The following OTOP3 variants were observed in gnomAD, a reference collection of about 807,000 sequenced individuals.
The protein encoded by OTOP3 is otopetrin 3.
A neutral mutation model predicts 50.8 loss-of-function variants in OTOP3; 41 were observed. The ratio of observed to expected loss-of-function variants is 0.81; its 90% confidence interval spans 0.63 to 1.05. The LOEUF is 1.05. Among genes scored for constraint, OTOP3 ranks in the 50% least tolerant of loss-of-function variants. The pLI is 0.00. For synonymous variants in OTOP3, 320 were observed against 324.4 expected (o/e 0.99, Z 0.14); for missense variants, 788 against 760.8 (o/e 1.04, Z -0.42).
At chr17:74,936,961 C>CTTTTTTTTTTT (rs1191319023) in intron 1 of OTOP3, among the ~76,000 whole-genome samples, 2 of 101,308 alleles carry the variant, frequency 2.0e-5, no homozygotes, top group Admixed American at 1.2e-4. Flanking sequence ...CCCCCCCACC[C>CTTTTTTTTTTT]TTTTTTTTTT....
At position 74,949,727 on chromosome 17, in the gene OTOP3, T is replaced by C; in HGVS notation, c.*311T>C. 1 of 328,958 alleles carries C rather than the reference T, an allele frequency of 3.0e-6. No homozygotes were observed. The highest frequency in any genetic ancestry group is 5.6e-6 in the Non-Finnish European group (1 of 178,388). The allele number at this position is 328,958 out of a possible 1,614,324, so 20.4% of individuals were successfully genotyped here. On this transcript the variant is annotated 3_prime_UTR_variant, in exon 7 of 7. Transcript: ENST00000328801. ...CAGGGGCCCCCTCACGGCTACTCTGTGGGAGGGTCAGACCTACATGACCGA... is the reference window on the plus strand; with the variant it reads ...CAGGGGCCCCCTCACGGCTACTCTGCGGGAGGGTCAGACCTACATGACCGA...
Position 74,947,406 on chromosome 17 carries a change from C to A in OTOP3, c.1497C>A (p.Tyr499Ter), listed in dbSNP as rs1373729378. 1 of 1,612,766 alleles carries A rather than the reference C, an allele frequency of 6.2e-7. No homozygotes were observed. Among genetic ancestry groups the A allele is most frequent in the Admixed American group, 1.7e-5 (1 of 59,992 alleles). Reference sequence around the variant, plus strand: ...CCTCACTGGCCTACATCCACTCCTACAGCCACCTCAACTGGAAGCGGAGGG... The same window carrying A: ...CCTCACTGGCCTACATCCACTCCTAAAGCCACCTCAACTGGAAGCGGAGGG... ...QRASLAYIHS[Y>*]SHLNWKRRAL... is the part of the protein sequence containing the mutation. The change falls in exon 6 of 7, where the codon TAC (tyrosine) becomes TAA (stop). Residue 499 changes from tyrosine (Y) to a stop codon, truncating the protein, a stop_gained. Coordinates refer to ENST00000328801, the MANE Select transcript of OTOP3 (RefSeq NM_001272005.2). LOFTEE classifies it high-confidence loss of function.
At chr17:74,935,875 G>A, upstream of OTOP3, 1 of 1,547,722 alleles carries the variant, frequency 6.5e-7, no homozygotes, top group South Asian at 1.2e-5. Context: ...GTCTCACCTG[G>A]ACGGACGATC....
intron 5 of OTOP3, among the ~76,000 whole-genome samples, chr17:74,944,254 T>C (rs1312148951): frequency 1.3e-5 from 2 of 152,132 alleles, no homozygotes; most frequent in Admixed American, 6.5e-5. Context: ...GCCACACCTG[T>C]ATGTACATGC....
chr17:74,936,678 C>T (rs1253883215), intron 1 of OTOP3, among the ~76,000 whole-genome samples: 1 of 152,186 alleles, frequency 6.6e-6, no homozygotes, highest in Non-Finnish European at 1.5e-5. Flanking sequence ...GGGATACTGT[C>T]AGGGCAAAGA....
At chr17:74,938,988 C>T (rs918592290) in intron 1 of OTOP3, among the ~76,000 whole-genome samples, 22 of 150,858 alleles carry the variant, frequency 1.5e-4, no homozygotes, top group African/African-American at 4.7e-4. Flanking sequence ...GGCAACATAA[C>T]GTGACCCTGT....
At chr17:74,937,284 T>C (rs939722630) in intron 1 of OTOP3, among the ~76,000 whole-genome samples, 8 of 152,192 alleles carry the variant, frequency 5.3e-5, no homozygotes, top group South Asian at 4.1e-4. Flanking sequence ...AAGTCTTTAT[T>C]GAGCATCTAC....
intron 5 of OTOP3, among the ~76,000 whole-genome samples, chr17:74,945,537 G>A (rs965766099): frequency 4.6e-5 from 7 of 152,126 alleles, no homozygotes; most frequent in South Asian, 2.1e-4. Context: ...TCCTTGGAAC[G>A]GGAAGTATAG....
chr17:74,935,885 C>T, upstream of OTOP3: 1 of 1,547,434 alleles, frequency 6.5e-7, no homozygotes. Flanking sequence ...GACGGACGAT[C>T]CGCTCAGCGC....
intron 1 of OTOP3, 55 bp downstream of exon 1, chr17:74,935,995 A>T: frequency 6.5e-7 from 1 of 1,535,806 alleles, no homozygotes; most frequent in Non-Finnish European, 8.7e-7. Context: ...AGACACTGGC[A>T]CATACTACCC....
chr17:74,936,949 C>CA (rs2039122591), intron 1 of OTOP3, among the ~76,000 whole-genome samples: 1 of 74,056 alleles, frequency 1.4e-5, no homozygotes, highest in African/African-American at 6.6e-5. Flanking sequence ...CGGCATTCAT[C>CA]ACCCCCCCAC....
At chr17:74,949,059 T>G (rs2039256714) in intron 6 of OTOP3, among the ~76,000 whole-genome samples, 187 bp from the exon 7 acceptor site, 1 of 151,846 alleles carries the variant, frequency 6.6e-6, no homozygotes. Context: ...TAAGGCCTTC[T>G]GCAGTAGGGC....
chr17:74,941,404 G>C lies in OTOP3; in HGVS notation c.31G>C (p.Ala11Pro). Residue 11 changes from alanine (A) to proline (P), a missense_variant, in exon 2 of 7, where the codon GCT becomes CCT. By Grantham distance (27) the Ala-to-Pro change is conservative (BLOSUM62 -1). Coordinates refer to ENST00000328801, the MANE Select transcript of OTOP3 (RefSeq NM_001272005.2). ...TTCTCCATCTCCAGCCCCTGCTGAG[G>C]CTACACCCATGCCTTCTTCAGAAGC... MPLPASAPAEATPMPSSEAQE... is the reference protein window; with the variant it reads MPLPASAPAEPTPMPSSEAQE... The C allele has an allele frequency of 6.5e-7, 1 of 1,530,518 alleles. No homozygotes were observed. The highest frequency in any genetic ancestry group is 8.8e-7 in the Non-Finnish European group (1 of 1,138,254). 94.8% of individuals were successfully genotyped at this position (1,530,518 alleles called of 1,614,324 possible). A position where few individuals can be genotyped will look rare whatever the true frequency, so the allele number is the denominator to read the frequency against.
chr17:74,941,601 G>A lies in OTOP3; in HGVS notation c.228G>A (p.Leu76=). ...QKAGQLFSGL[L]ALNVVFLGGA... ...CTGGACAACTCTTCTCGGGGCTCCT[G>A]GCCCTGAATGTGGTGTTCCTGGGTG... Residue 76 remains leucine (L), a synonymous_variant, in exon 2 of 7, where the codon CTG becomes CTA. Coordinates refer to ENST00000328801, the MANE Select transcript of OTOP3 (RefSeq NM_001272005.2). 6.2e-7 allele frequency: 1 copy of A among 1,613,374 alleles called. No homozygotes were observed. Among genetic ancestry groups the A allele is most frequent in the Non-Finnish European group, 8.5e-7 (1 of 1,179,532 alleles).
At chr17:74,936,010 C>A (rs1406220132) in intron 1 of OTOP3, 70 bp downstream of exon 1, 1 of 1,531,594 alleles carries the variant, frequency 6.5e-7, no homozygotes, top group East Asian at 2.5e-5. Flanking sequence ...CTACCCACCC[C>A]CCCAAAAGGG....
At chr17:74,939,968 G>T (rs2144779483) in intron 1 of OTOP3, among the ~76,000 whole-genome samples, 1 of 151,972 alleles carries the variant, frequency 6.6e-6, no homozygotes, top group East Asian at 1.9e-4. Flanking sequence ...GAGTGCAGTG[G>T]TCCAATCATA....
chr17:74,949,290 C>T lies in OTOP3; in HGVS notation c.1611C>T (p.Asn537=), dbSNP rs78826886. The change falls in exon 7 of 7, where the codon AAC becomes AAT. Residue 537 remains asparagine, a synonymous_variant. Coordinates refer to ENST00000328801, the MANE Select transcript of OTOP3 (RefSeq NM_001272005.2). ...TTGGCATACACCCGGAGTTTGAGAA[C>T]GGGCTAGAAAAGGATTTCTACGGCT... The part of the protein sequence containing the change: ...PAFGIHPEFE[N]GLEKDFYGYQ... The T allele has an allele frequency of 2.1e-3, 3,339 of 1,614,056 alleles. 17 individuals are homozygous for T. Among genetic ancestry groups the T allele is most frequent in the Non-Finnish European group, 1.9e-3 (2,235 of 1,179,984 alleles).
Position 74,947,217 on chromosome 17 carries a change from G to T in OTOP3, c.1308G>T (p.Ser436=). The change falls in exon 6 of 7, where the codon TCG becomes TCT. Residue 436 remains serine, a synonymous_variant. Transcript: ENST00000328801. ...TCAACCGCCTCATCCTGGCCTACTCGCTGCTGCTCATCCTGCAGCACATCG... is the reference window on the plus strand; with the variant it reads ...TCAACCGCCTCATCCTGGCCTACTCTCTGCTGCTCATCCTGCAGCACATCG... The part of the protein sequence containing the change: ...ELLNRLILAY[S]LLLILQHIAQ... 6.2e-7 allele frequency: 1 copy of T among 1,613,878 alleles called. No homozygotes were observed. The highest frequency in any genetic ancestry group is 8.5e-7 in the Non-Finnish European group (1 of 1,180,010).
At chr17:74,942,240 G>C (rs570905030) in intron 3 of OTOP3, among the ~76,000 whole-genome samples, 1 of 152,168 alleles carries the variant, frequency 6.6e-6, no homozygotes. Context: ...CACACACACC[G>C]TGTCACCGAA....
Sources: allele counts gnomAD v4.1 joint callset (sites outside exome capture counted in the v4.1 genomes callset), GRCh38; gene constraint gnomAD v4.1.1; transcripts MANE v1.5; gene names NCBI Gene and HGNC (gene_info 2026-07-23, HGNC 2026-07-21).